GRM7: variants seen among roughly 807,000 people sequenced by gnomAD.
GRM7 encodes the protein metabotropic glutamate receptor 7.
A neutral mutation model predicts 84.5 loss-of-function variants in GRM7; 35 were observed. That is an observed-to-expected ratio of 0.41 (90% CI 0.32 to 0.55). The LOEUF (loss-of-function observed/expected upper bound fraction) is 0.55, where lower values mean the gene tolerates loss of function less well. Among genes scored for constraint, GRM7 ranks in the 20% least tolerant of loss-of-function variants. GRM7 has a pLI of 0.19. For synonymous variants in GRM7, 487 were observed against 455.1 expected (o/e 1.07, Z -0.89); for missense variants, 1,003 against 1,194.6 (o/e 0.84, Z 2.36).
At position 6,984,468 on chromosome 3, in the gene GRM7, A is replaced by G. The variant is rs559360190; in HGVS notation, c.519+122561A>G. On this transcript the variant is annotated intron_variant, in intron 1 of 9. Transcript: ENST00000357716. ...CGTAGACTTTATTCCATCAATGGTT[A>G]CTGGATTTATGTGTTATCTATTTTT... 1.3e-5 allele frequency among the ~76,000 whole-genome samples: 2 copies of G among 152,222 alleles called. 1 individual carries two copies. The highest frequency in any genetic ancestry group is 4.1e-4 in the South Asian group (2 of 4,836).
At chr3:7,401,765 T>C (rs1695462295) in intron 4 of GRM7, among the ~76,000 whole-genome samples, 1 of 152,166 alleles carries the variant, frequency 6.6e-6, no homozygotes, top group South Asian at 2.1e-4. Context: ...CTTCCCTTTC[T>C]GTGAAAATTA....
At chr3:7,429,116 A>G (rs1366987380) in intron 5 of GRM7, among the ~76,000 whole-genome samples, 1 of 152,198 alleles carries the variant, frequency 6.6e-6, no homozygotes, top group African/African-American at 2.4e-5. Flanking sequence ...ATGAAGCCTG[A>G]CACAAGTGAC....
intron 1 of GRM7, among the ~76,000 whole-genome samples, chr3:7,118,841 A>G (rs960565762): frequency 6.6e-6 from 1 of 152,142 alleles, no homozygotes; most frequent in East Asian, 1.9e-4. Flanking sequence ...TCCAATCACA[A>G]GAACATCGAT....
intron 7 of GRM7, among the ~76,000 whole-genome samples, chr3:7,577,559 C>T (rs1301748563): frequency 6.6e-6 from 1 of 152,166 alleles, no homozygotes; most frequent in Non-Finnish European, 1.5e-5. Context: ...TTCCACCCAA[C>T]AGTAAAGTTT....
chr3:7,562,377 A>T (rs751021950), intron 7 of GRM7, among the ~76,000 whole-genome samples: 1 of 152,008 alleles, frequency 6.6e-6, no homozygotes, highest in South Asian at 2.1e-4. Flanking sequence ...AAAAAATACT[A>T]GTTTTAATTG....
intron 7 of GRM7, among the ~76,000 whole-genome samples, chr3:7,471,591 T>C (rs1013582534): frequency 1.3e-5 from 2 of 152,332 alleles, no homozygotes; most frequent in African/African-American, 4.8e-5. Flanking sequence ...TCATTGATTC[T>C]CCTGTCTTCC....
chr3:7,700,010 T>C (rs1054852558), intron 9 of GRM7, among the ~76,000 whole-genome samples: 1 of 152,146 alleles, frequency 6.6e-6, no homozygotes, highest in African/African-American at 2.4e-5. Context: ...CTGGGTGAGA[T>C]GGCACAAGCT....
intron 5 of GRM7, among the ~76,000 whole-genome samples, chr3:7,438,605 A>T (rs942309059): frequency 6.6e-5 from 10 of 152,050 alleles, no homozygotes; most frequent in Non-Finnish European, 1.3e-4. Flanking sequence ...CAGAGTGGTT[A>T]CCAGAAACCT....
chr3:7,681,492 G>T (rs10514663), intron 9 of GRM7: 1 of 152,124 alleles, frequency 6.6e-6, no homozygotes, highest in Non-Finnish European at 1.5e-5. Context: ...AGTGAATGTC[G>T]TGAAATACTT....
intron 7 of GRM7, among the ~76,000 whole-genome samples, chr3:7,496,811 G>A (rs915924431): frequency 2.6e-5 from 4 of 151,968 alleles, no homozygotes; most frequent in Admixed American, 2.0e-4. Context: ...GTATGTGTGT[G>A]TGATTATACC....
chr3:6,862,941 G>A lies in GRM7; in HGVS notation c.519+1034G>A, dbSNP rs1168027940. 6.6e-6 allele frequency: 3 copies of A among 452,896 alleles called. No homozygotes were observed. The highest frequency in any genetic ancestry group is 4.0e-5 in the African/African-American group (2 of 49,820). 28.1% of individuals were successfully genotyped at this position (452,896 alleles called of 1,614,324 possible). On this transcript the variant is annotated intron_variant, in intron 1 of 9. Transcript: ENST00000357716. This position sits in a 1 kb window ranked among gnomAD's most constrained non-coding sequence, Gnocchi z 5.2. The stretch of plus-strand genomic sequence containing the variant: ...GGGCCGCTGAGCGGTGGGTTCTGCC[G>A]CAGTGTTCTCTCGCCTCCTGCTCCA...
chr3:7,278,431 C>T (rs1271805692), intron 2 of GRM7, among the ~76,000 whole-genome samples: 1 of 151,942 alleles, frequency 6.6e-6, no homozygotes, highest in East Asian at 1.9e-4. Flanking sequence ...AGTATGCCCA[C>T]GTTTTTAAAA....
At chr3:7,310,899 T>C (rs1250154289) in intron 4 of GRM7, among the ~76,000 whole-genome samples, 1 of 152,188 alleles carries the variant, frequency 6.6e-6, no homozygotes, top group Admixed American at 6.5e-5. Context: ...GCATGAGATC[T>C]CTGCATTCTC....
chr3:7,388,284 C>A (rs565145531), intron 4 of GRM7, among the ~76,000 whole-genome samples: 29 of 152,162 alleles, frequency 1.9e-4, no homozygotes, highest in African/African-American at 7.0e-4. Context: ...CCTTTTGTTT[C>A]TTTCTCTTGC....
At chr3:7,497,817 A>C (rs1224765717) in intron 7 of GRM7, among the ~76,000 whole-genome samples, 1 of 152,208 alleles carries the variant, frequency 6.6e-6, no homozygotes, top group East Asian at 1.9e-4. Context: ...TCTGAGCCTC[A>C]GTTTCCTCTC....
intron 1 of GRM7, among the ~76,000 whole-genome samples, chr3:6,947,292 C>T (rs1698125074): frequency 6.6e-6 from 1 of 152,174 alleles, no homozygotes; most frequent in South Asian, 2.1e-4. Context: ...AACGCCTTTT[C>T]TGCGTTTATT....
At chr3:7,097,475 A>G (rs114465192) in intron 1 of GRM7, among the ~76,000 whole-genome samples, 224 of 152,260 alleles carry the variant, frequency 1.5e-3, no homozygotes, top group African/African-American at 5.0e-3. Flanking sequence ...GAAACATTTT[A>G]TCCTGTGGGG....
chr3:7,740,402 T>C lies in GRM7; in HGVS notation c.2744T>C (p.Ile915Thr), dbSNP rs1394190080. The part of the protein sequence containing the change: ...KKYVSYNNLV[I>T] ...TATGTCAGTTATAATAACCTGGTTA[T>C]CTAACCTGTTCCATTCCATGGAACC... The change falls in exon 10 of 10, where the codon ATC (isoleucine) becomes ACC (threonine). Residue 915 changes from isoleucine (I) to threonine (T), a missense_variant. Transcript: ENST00000357716. The C allele has an allele frequency of 6.4e-7, 1 of 1,553,394 alleles. No individual in the cohort carries two copies. The highest frequency in any genetic ancestry group is 2.3e-5 in the East Asian group (1 of 43,406).
intron 7 of GRM7, among the ~76,000 whole-genome samples, chr3:7,549,810 A>C (rs1693358354): frequency 6.6e-6 from 1 of 152,216 alleles, no homozygotes; most frequent in Non-Finnish European, 1.5e-5. Flanking sequence ...CTGAAAATTG[A>C]CCTTGTAGAA....
Sources: allele counts gnomAD v4.1 joint callset (sites outside exome capture counted in the v4.1 genomes callset), GRCh38; gene constraint gnomAD v4.1.1; non-coding constraint Gnocchi (gnomAD v3.1); transcripts MANE v1.5; gene names NCBI Gene and HGNC (gene_info 2026-07-23, HGNC 2026-07-21).